Variants in SND1 observed in about 807,000 individuals in gnomAD.
The protein encoded by SND1 is staphylococcal nuclease domain-containing protein 1.
A neutral mutation model predicts 121.7 loss-of-function variants in SND1; 38 were observed. That is an observed-to-expected ratio of 0.31 (90% CI 0.24 to 0.41). SND1 has a LOEUF of 0.41. Among genes scored for constraint, SND1 ranks in the 10% least tolerant of loss-of-function variants. The pLI is 1.00. For missense variants in SND1, 868 were observed against 1,184.6 expected (o/e 0.73, Z 3.92); for synonymous variants, 401 against 447.4 (o/e 0.90, Z 1.31).
chr7:127,749,795 C>G (rs1797052660), intron 10 of SND1, among the ~76,000 whole-genome samples: 2 of 152,286 alleles, frequency 1.3e-5, no homozygotes, highest in African/African-American at 4.8e-5. Flanking sequence ...GGTGTAGCCT[C>G]CAGTTGGGAA....
intron 13 of SND1, among the ~76,000 whole-genome samples, chr7:127,888,631 G>T (rs530602569): frequency 1.3e-5 from 2 of 152,058 alleles, no homozygotes; most frequent in Non-Finnish European, 2.9e-5. Context: ...TCTTACTCAG[G>T]GAGTCTTTTG....
At chr7:127,818,730 C>T (rs1798493239) in intron 11 of SND1, among the ~76,000 whole-genome samples, 1 of 152,206 alleles carries the variant, frequency 6.6e-6, no homozygotes, top group African/African-American at 2.4e-5. Context: ...GGCAGTGAAA[C>T]AGCAGAGTTT....
rs869197153 is a variant in SND1, at chr7:128,092,328, TA to T, written c.*281del. 9,982 of 372,828 alleles carry T rather than the reference TA, an allele frequency of 0.027. No individual in the cohort carries two copies. The highest frequency in any genetic ancestry group is 0.061 in the East Asian group (1,402 of 22,940). The allele number at this position is 372,828 out of a possible 1,614,324, so 23.1% of individuals were successfully genotyped here. ...TATTTGGAGGTTTGTGGGCTTTTTT[TA>T]AAAAAAAAAAGTCCTCAAATCAGGA... On this transcript the variant is annotated 3_prime_UTR_variant, in exon 24 of 24. Coordinates refer to ENST00000354725, the MANE Select transcript of SND1 (RefSeq NM_014390.4). This position sits in a 1 kb window ranked among gnomAD's most constrained non-coding sequence, Gnocchi z 4.9.
Position 127,872,925 on chromosome 7 carries a change from G to A in SND1, c.1344-14977G>A, listed in dbSNP as rs557834248. On this transcript the variant is annotated intron_variant, in intron 12 of 23. Transcript: ENST00000354725. ...GAGAATATCTCTTTGACCAACAACA[G>A]ACCTACATCACATTTACCTTGTTCA... 3.9e-5 allele frequency among the ~76,000 whole-genome samples: 6 copies of A among 152,228 alleles called. No homozygotes were observed. In the South Asian group the frequency reaches 8.3e-4, roughly 21 times the overall value.
intron 10 of SND1, among the ~76,000 whole-genome samples, chr7:127,781,468 G>T (rs1038518852): frequency 2.6e-5 from 4 of 151,804 alleles, no homozygotes; most frequent in Non-Finnish European, 5.9e-5. Context: ...TTGTGATATT[G>T]ACTTTTCTTT....
chr7:127,922,152 A>G (rs928729885), intron 14 of SND1, among the ~76,000 whole-genome samples: 4 of 95,526 alleles, frequency 4.2e-5, no homozygotes, highest in Admixed American at 2.1e-4. Context: ...CACCATGCCC[A>G]GCTGATTTTC....
At chr7:128,073,147 G>T (rs1028805610) in intron 16 of SND1, among the ~76,000 whole-genome samples, 2 of 152,198 alleles carry the variant, frequency 1.3e-5, no homozygotes, top group Non-Finnish European at 2.9e-5. Flanking sequence ...CTGCCAGGAG[G>T]CAGTGTAGAG....
At chr7:127,923,409 C>T (rs1457088685) in intron 14 of SND1, among the ~76,000 whole-genome samples, 1 of 152,108 alleles carries the variant, frequency 6.6e-6, no homozygotes, top group African/African-American at 2.4e-5. Context: ...TTACGCCCTC[C>T]CTGGTCTCTC....
chr7:128,074,340 G>A (rs553987681), intron 16 of SND1, among the ~76,000 whole-genome samples, 162 bp from the exon 17 acceptor site: 3 of 152,348 alleles, frequency 2.0e-5, no homozygotes, highest in East Asian at 1.9e-4. Context: ...GTCTGTTCCC[G>A]TGAGAGGCTG....
At chr7:128,051,231 T>G (rs1321888549) in intron 16 of SND1, among the ~76,000 whole-genome samples, 1 of 152,146 alleles carries the variant, frequency 6.6e-6, no homozygotes, top group African/African-American at 2.4e-5. Context: ...GAGTCCACCC[T>G]CCCGAAGACA....
intron 9 of SND1, among the ~76,000 whole-genome samples, chr7:127,709,842 A>G (rs1796267458): frequency 6.6e-6 from 1 of 152,234 alleles, no homozygotes; most frequent in South Asian, 2.1e-4. Flanking sequence ...CTTAGAGGGT[A>G]GAGAGAAATG....
chr7:128,034,880 C>T (rs1262322072), intron 16 of SND1, among the ~76,000 whole-genome samples: 1 of 152,234 alleles, frequency 6.6e-6, no homozygotes, highest in Non-Finnish European at 1.5e-5. Flanking sequence ...ACCCAAGTAC[C>T]ATCTAGCTAT....
intron 11 of SND1, among the ~76,000 whole-genome samples, chr7:127,827,168 C>G (rs182399214): frequency 1.2e-4 from 18 of 152,316 alleles, no homozygotes; most frequent in Admixed American, 2.0e-4. Context: ...AATCTGTTTT[C>G]TCTTACAGTG....
chr7:128,038,346 C>A (rs902469687), intron 16 of SND1, among the ~76,000 whole-genome samples: 1 of 152,204 alleles, frequency 6.6e-6, no homozygotes, highest in African/African-American at 2.4e-5. Context: ...TGAGTTTAAA[C>A]CCCAGTTCTG....
intron 11 of SND1, among the ~76,000 whole-genome samples, chr7:127,833,681 TGAGAGAGA>T (rs149925222): frequency 6.7e-6 from 1 of 149,246 alleles, no homozygotes; most frequent in Non-Finnish European, 1.5e-5. Context: ...CCTGGGGGGT[TGAGAGAGA>T]GAGAGAGAGA....
intron 17 of SND1, among the ~76,000 whole-genome samples, chr7:128,076,596 C>G (rs1793510240): frequency 6.6e-6 from 1 of 152,176 alleles, no homozygotes; most frequent in South Asian, 2.1e-4. Flanking sequence ...GGCTGGGGGA[C>G]AGTAACCTGA....
At chr7:127,869,100 G>A (rs1241987322) in intron 12 of SND1, among the ~76,000 whole-genome samples, 3 of 152,122 alleles carry the variant, frequency 2.0e-5, no homozygotes, top group Admixed American at 6.5e-5. Flanking sequence ...CCAGGGTTAC[G>A]AGGGGGAAAT....
At chr7:127,740,758 T>G (rs1376366657) in intron 10 of SND1, among the ~76,000 whole-genome samples, 2 of 152,144 alleles carry the variant, frequency 1.3e-5, no homozygotes, top group Non-Finnish European at 2.9e-5. Context: ...CAGCTAGGAT[T>G]GAGAACCACT....
intron 9 of SND1, among the ~76,000 whole-genome samples, chr7:127,714,200 C>T (rs899447095): frequency 6.6e-6 from 1 of 152,112 alleles, no homozygotes; most frequent in African/African-American, 2.4e-5. Flanking sequence ...AAGCAGAGCC[C>T]TGAACTAGGT....
Sources: gnomAD v4.1 joint callset for allele counts (sites outside exome capture counted in the v4.1 genomes callset) on GRCh38, gnomAD v4.1.1 for gene constraint, Gnocchi (gnomAD v3.1) non-coding constraint, MANE v1.5 for transcripts, NCBI Gene and HGNC (gene_info 2026-07-23, HGNC 2026-07-21) for gene names.